The following CAST variants were observed in gnomAD, a reference collection of about 807,000 sequenced individuals.
CAST encodes calpastatin, also known as MIR583 host.
A neutral mutation model predicts 119.6 loss-of-function variants in CAST; 76 were observed. The observed-to-expected ratio is 0.64, with a 90% confidence interval of 0.53 to 0.77. The LOEUF (loss-of-function observed/expected upper bound fraction) is 0.77. Ranked by LOEUF, CAST falls within the 30% of genes least tolerant of loss-of-function variation. The pLI is 0.00. For synonymous variants in CAST, 319 were observed against 331.6 expected (o/e 0.96, Z 0.41); for missense variants, 953 against 946.5 (o/e 1.01, Z -0.09).
chr5:96,129,713 A>G, the CAST span, among the ~76,000 whole-genome samples: 2 of 152,128 alleles, frequency 1.3e-5, no homozygotes, highest in Non-Finnish European at 2.9e-5. Context: ...ATATTTTTCT[A>G]TATTATACAT....
upstream of CAST, among the ~76,000 whole-genome samples, chr5:96,659,968 A>T (rs1748222852): frequency 6.6e-6 from 1 of 152,108 alleles, no homozygotes; most frequent in Non-Finnish European, 1.5e-5. Context: ...CATAGTCATT[A>T]ATGCATTGTT....
the CAST span, among the ~76,000 whole-genome samples, chr5:96,398,396 A>T: frequency 9.7e-3 from 1,471 of 152,344 alleles, 29 homozygotes; most frequent in African/African-American, 0.034. Context: ...CGCAGGAAAA[A>T]GCAAATGTTC....
chr5:96,230,474 G>A, the CAST span, among the ~76,000 whole-genome samples: 1 of 152,056 alleles, frequency 6.6e-6, no homozygotes, highest in Admixed American at 6.6e-5. Context: ...ATAGCTCTCT[G>A]ATTATACCAC....
chr5:96,520,006 T>G, the CAST span, among the ~76,000 whole-genome samples: 1 of 152,220 alleles, frequency 6.6e-6, no homozygotes, highest in Non-Finnish European at 1.5e-5. Context: ...TTTAAATCCC[T>G]TTTTGGAAAA....
At chr5:96,547,531 C>G (rs977524998) in intron 1 of CAST, among the ~76,000 whole-genome samples, 11 of 152,222 alleles carry the variant, frequency 7.2e-5, no homozygotes, top group Non-Finnish European at 1.5e-4. Context: ...CTGGTGTCGA[C>G]TATCTTCTTT....
chr5:96,199,902 G>C, the CAST span, among the ~76,000 whole-genome samples: 1 of 151,890 alleles, frequency 6.6e-6, no homozygotes, highest in African/African-American at 2.4e-5. Context: ...TTAGTTCTCC[G>C]GTAGCCTTCT....
At chr5:96,055,637 A>C in the CAST span, among the ~76,000 whole-genome samples, 1 of 152,158 alleles carries the variant, frequency 6.6e-6, no homozygotes, top group Non-Finnish European at 1.5e-5. Context: ...AAATGAACCA[A>C]AAACCATATT....
rs879669517 is a variant in CAST at position 96,534,718 on chromosome 5, A to AAGGAAGGAAG, written c.60+4838_60+4839insAGGAAGGAAG. 4.7e-3 allele frequency among the ~76,000 whole-genome samples: 97 copies of AAGGAAGGAAG among 20,464 alleles called. 3 individuals are homozygous for AAGGAAGGAAG. Among genetic ancestry groups the AAGGAAGGAAG allele is most frequent in the African/African-American group, 0.014 (89 of 6,168 alleles). The allele number at this position is 20,464 out of a possible 152,430, so 13.4% of individuals were successfully genotyped here. On this transcript the variant is annotated intron_variant, in intron 1 of 11. Coordinates refer to the CAST transcript ENST00000505143. ...AGGAAGGAAGGAAGGAAGGAAGGAG[A>AAGGAAGGAAG]GAGAGAGAGAGAGAGAGAGAGAGAA...
At chr5:96,432,778 C>T in the CAST span, 2 of 1,130,810 alleles carry the variant, frequency 1.8e-6, no homozygotes, top group South Asian at 1.3e-5. Flanking sequence ...AGAGTGCAAC[C>T]TGGGGCTCCC....
the CAST span, among the ~76,000 whole-genome samples, chr5:96,511,459 A>G: frequency 1.3e-5 from 2 of 152,156 alleles, no homozygotes; most frequent in African/African-American, 4.8e-5. Context: ...ACTATATTCT[A>G]TCCACAAGGT....
chr5:96,299,249 A>AAACAAC, the CAST span, among the ~76,000 whole-genome samples: 55 of 149,400 alleles, frequency 3.7e-4, 1 homozygote, highest in East Asian at 3.0e-3. Context: ...CTCAGTCTCA[A>AAACAAC]AACAACAACA....
At chr5:96,732,062 C>A (rs1224253935) in intron 9 of CAST, among the ~76,000 whole-genome samples, 2 of 149,516 alleles carry the variant, frequency 1.3e-5, no homozygotes, top group Non-Finnish European at 3.0e-5. Flanking sequence ...GTTCTAGATC[C>A]CTGAGGAATC....
At chr5:96,631,823 C>A (rs542426794) in intron 1 of CAST, among the ~76,000 whole-genome samples, 1 of 152,218 alleles carries the variant, frequency 6.6e-6, no homozygotes, top group South Asian at 2.1e-4. Flanking sequence ...TGAGCCACTG[C>A]GCCCGACTGC....
the CAST span, among the ~76,000 whole-genome samples, chr5:96,500,720 T>C: frequency 6.6e-6 from 1 of 152,208 alleles, no homozygotes; most frequent in Non-Finnish European, 1.5e-5. Context: ...TTGTCTTACA[T>C]AACATTAGCC....
At chr5:96,053,772 A>G in the CAST span, among the ~76,000 whole-genome samples, 2 of 152,216 alleles carry the variant, frequency 1.3e-5, no homozygotes, top group Non-Finnish European at 2.9e-5. Context: ...TTATTCAAAT[A>G]TTACTCAGTT....
chr5:96,063,133 G>A, the CAST span, among the ~76,000 whole-genome samples: 1 of 152,120 alleles, frequency 6.6e-6, no homozygotes, highest in African/African-American at 2.4e-5. Context: ...TTCTGTACAA[G>A]TGGATATAAA....
intron 2 of CAST, 200 bp downstream of exon 2, chr5:96,675,801 C>G (rs1398600982): frequency 2.2e-5 from 11 of 506,486 alleles, no homozygotes; most frequent in Non-Finnish European, 3.5e-5. Flanking sequence ...GGAATAGAGC[C>G]TGTATGAATA....
the CAST span, among the ~76,000 whole-genome samples, chr5:96,267,851 A>G: frequency 6.6e-6 from 1 of 152,242 alleles, no homozygotes; most frequent in East Asian, 1.9e-4. Flanking sequence ...GATAAACAAT[A>G]ATGGCTATAG....
the CAST span, among the ~76,000 whole-genome samples, chr5:96,020,932 A>G: frequency 6.7e-6 from 1 of 148,344 alleles, no homozygotes; most frequent in Non-Finnish European, 1.5e-5. Context: ...TAACTTAATG[A>G]CATTTGTTTC....
Sources: gnomAD v4.1 joint callset for allele counts (sites outside exome capture counted in the v4.1 genomes callset) on GRCh38, gnomAD v4.1.1 for gene constraint, MANE v1.5 for transcripts, NCBI Gene and HGNC (gene_info 2026-07-23, HGNC 2026-07-21) for gene names.